The following DNAAF9 variants were observed in gnomAD, a reference collection of about 807,000 sequenced individuals.
DNAAF9 encodes dynein axonemal assembly factor 9.
In DNAAF9, 90 loss-of-function variants were observed where a neutral mutation model predicts 167.0. That is an observed-to-expected ratio of 0.54 (90% confidence interval 0.45 to 0.64). DNAAF9 has a LOEUF of 0.64. Among genes scored for constraint, DNAAF9 ranks in the 30% least tolerant of loss-of-function variants. The pLI, the probability that DNAAF9 is intolerant of heterozygous loss-of-function variation, is 0.00. For missense variants in DNAAF9, 1,315 were observed against 1,442.2 expected (o/e 0.91, Z 1.43); for synonymous variants, 491 against 508.8 (o/e 0.96, Z 0.47).
intron 14 of DNAAF9, 25 bp from the exon 15 acceptor site, chr20:3,322,721 G>A: frequency 1.9e-6 from 3 of 1,589,356 alleles, no homozygotes; most frequent in Non-Finnish European, 2.6e-6. Context: ...CAAAACAAAA[G>A]AAAAATCAGT....
At chr20:3,376,130 A>G in intron 4 of DNAAF9, 48 bp downstream of exon 4, 1 of 1,546,814 alleles carries the variant, frequency 6.5e-7, no homozygotes, top group South Asian at 1.2e-5. Flanking sequence ...TTCCTTAAAG[A>G]GTATTCTTAG....
chr20:3,379,152 T>C (rs2083613351), intron 3 of DNAAF9, among the ~76,000 whole-genome samples: 1 of 151,772 alleles, frequency 6.6e-6, no homozygotes, highest in Non-Finnish European at 1.5e-5. Context: ...CTCAAAGAAT[T>C]AGGATCCCGT....
At chr20:3,294,324 A>G in intron 24 of DNAAF9, 68 bp from the exon 25 acceptor site, 1 of 1,083,476 alleles carries the variant, frequency 9.2e-7, no homozygotes, top group Admixed American at 2.0e-5. Context: ...TACTCACATG[A>G]AAAAGTTTTT....
intron 3 of DNAAF9, among the ~76,000 whole-genome samples, chr20:3,379,036 T>A (rs2083611642): frequency 6.6e-6 from 1 of 151,740 alleles, no homozygotes; most frequent in African/African-American, 2.4e-5. Context: ...CAAGAGCCCT[T>A]CCCTGAGTCA....
chr20:3,401,245 G>A (rs1226198433), intron 1 of DNAAF9, among the ~76,000 whole-genome samples: 1 of 151,814 alleles, frequency 6.6e-6, no homozygotes, highest in African/African-American at 2.4e-5. Context: ...TTACTCTGTT[G>A]CCCAGGCTGG....
chr20:3,373,995 T>C, intron 6 of DNAAF9, 53 bp downstream of exon 6: 1 of 1,171,110 alleles, frequency 8.5e-7, no homozygotes. Flanking sequence ...GGGTTCTTCA[T>C]AAAAACAGCC....
At chr20:3,372,312 G>A (rs187861528) in intron 6 of DNAAF9, among the ~76,000 whole-genome samples, 201 of 152,318 alleles carry the variant, frequency 1.3e-3, no homozygotes, top group African/African-American at 4.4e-3. Context: ...AAAGAAGACT[G>A]AGGTGGGGTA....
At position 3,296,866 on chromosome 20, in the gene DNAAF9, CTT is replaced by C; in HGVS notation, c.2011_2012del (p.Lys671GlufsTer47). 6.2e-7 allele frequency: 1 copy of C among 1,602,588 alleles called. No individual in the cohort carries two copies. Among genetic ancestry groups the C allele is most frequent in the Non-Finnish European group, 8.5e-7 (1 of 1,169,696 alleles). ...IQEDGLSVEQ[K>X]RLHSSAQKLF... is the part of the protein sequence containing the mutation. ...ATACTGAAGCAGCCACTTACAATCT[CTT>C]TTGTTCCACAGATAATCCATCTTCC... On this transcript the variant is annotated frameshift_variant, in exon 23 of 37. Coordinates refer to ENST00000252032, the MANE Select transcript of DNAAF9 (RefSeq NM_001009984.3). LOFTEE classifies it high-confidence loss of function.
rs1244672894 is a variant in DNAAF9 at position 3,363,718 on chromosome 20, G to C, written c.613-4125C>G. 2.0e-5 allele frequency among the ~76,000 whole-genome samples: 3 copies of C among 152,016 alleles called. No individual in the cohort carries two copies. In the East Asian group the frequency reaches 5.8e-4, roughly 29 times the overall value. On this transcript the variant is annotated intron_variant, in intron 6 of 36. Transcript: ENST00000252032. Reference sequence around the variant, plus strand: ...AAAGGAAAACAAAACAAAACAAAAAGACATAAAATGTCTTTATTCTGTCCT... The same window carrying C: ...AAAGGAAAACAAAACAAAACAAAAACACATAAAATGTCTTTATTCTGTCCT...
At chr20:3,320,775 T>A (rs914357558) in intron 16 of DNAAF9, among the ~76,000 whole-genome samples, 1 of 152,192 alleles carries the variant, frequency 6.6e-6, no homozygotes, top group Admixed American at 6.5e-5. Flanking sequence ...TTGAGTTACT[T>A]TTCCACAGGT....
chr20:3,304,186 G>C (rs1229632652), intron 21 of DNAAF9, among the ~76,000 whole-genome samples: 1 of 152,176 alleles, frequency 6.6e-6, no homozygotes, highest in Non-Finnish European at 1.5e-5. Flanking sequence ...GGCATGGGGA[G>C]CTGCTGGCCC....
intron 7 of DNAAF9, among the ~76,000 whole-genome samples, chr20:3,356,944 C>A (rs1344766317): frequency 6.6e-6 from 1 of 152,140 alleles, no homozygotes; most frequent in African/African-American, 2.4e-5. Context: ...TAACCTACCA[C>A]AATTAAGCTA....
intron 27 of DNAAF9, among the ~76,000 whole-genome samples, 158 bp downstream of exon 27, chr20:3,287,474 C>T (rs2068871792): frequency 6.6e-6 from 1 of 152,230 alleles, no homozygotes; most frequent in Non-Finnish European, 1.5e-5. Context: ...CATAGGATGG[C>T]AATAGGGTCA....
Position 3,315,234 on chromosome 20 carries a change from A to G in DNAAF9, c.1591-114T>C. ...TATGTCCGTCTACAAAAGCTGAGTC[A>G]GGCTCAGATATGCCCAATGTATTCC... is the stretch of plus-strand genomic sequence containing the variant. On this transcript the variant is annotated intron_variant, in intron 19 of 36. Transcript: ENST00000252032. This position sits in a 1 kb window ranked among gnomAD's most constrained non-coding sequence, Gnocchi z 4.1. The G allele has an allele frequency of 1.4e-6, 1 of 713,908 alleles. No individual in the cohort carries two copies. Among genetic ancestry groups the G allele is most frequent in the South Asian group, 1.6e-5 (1 of 62,694 alleles). The allele number at this position is 713,908 out of a possible 1,614,324, so 44.2% of individuals were successfully genotyped here.
At chr20:3,275,841 A>G (rs1480715831) in intron 29 of DNAAF9, among the ~76,000 whole-genome samples, 2 of 152,190 alleles carry the variant, frequency 1.3e-5, no homozygotes, top group Non-Finnish European at 2.9e-5. Context: ...GAGCAGAGAA[A>G]CATCCCTATT....
intron 6 of DNAAF9, among the ~76,000 whole-genome samples, chr20:3,361,645 C>T (rs1439940898): frequency 6.6e-6 from 1 of 152,194 alleles, no homozygotes; most frequent in Non-Finnish European, 1.5e-5. Context: ...AGAAGTTCAA[C>T]TACATGGACA....
intron 6 of DNAAF9, among the ~76,000 whole-genome samples, chr20:3,371,565 G>A (rs932032293): frequency 2.6e-5 from 4 of 151,574 alleles, no homozygotes; most frequent in African/African-American, 7.3e-5. Flanking sequence ...GGATGGTCTC[G>A]ATCTGCTGAC....
intron 31 of DNAAF9, among the ~76,000 whole-genome samples, chr20:3,261,372 T>A (rs1035123516): frequency 4.0e-5 from 6 of 151,672 alleles, no homozygotes; most frequent in Admixed American, 1.3e-4. Flanking sequence ...TTAATTAATT[T>A]TATTTTATTT....
At chr20:3,380,616 T>C (rs1341875868) in intron 3 of DNAAF9, among the ~76,000 whole-genome samples, 1 of 152,188 alleles carries the variant, frequency 6.6e-6, no homozygotes, top group Non-Finnish European at 1.5e-5. Flanking sequence ...TGCCCCCAGT[T>C]GGGAACTACT....
Sources: gnomAD v4.1 joint callset for allele counts (sites outside exome capture counted in the v4.1 genomes callset) on GRCh38, gnomAD v4.1.1 for gene constraint, Gnocchi (gnomAD v3.1) non-coding constraint, MANE v1.5 for transcripts, NCBI Gene and HGNC (gene_info 2026-07-23, HGNC 2026-07-21) for gene names.